MAP3K20: variants seen among roughly 807,000 people sequenced by gnomAD.
MAP3K20 encodes HCCS-4.
A neutral mutation model predicts 85.7 loss-of-function variants in MAP3K20; 40 were observed. That is an observed-to-expected ratio of 0.47 (90% confidence interval 0.36 to 0.61). MAP3K20 has a LOEUF of 0.61. MAP3K20 is among the 20% of genes least tolerant of loss of function. The pLI, the probability that MAP3K20 is intolerant of heterozygous loss-of-function variation, is 0.00. For missense variants in MAP3K20, 817 were observed against 961.7 expected, an observed-to-expected ratio of 0.85 and a Z score of 1.99; for synonymous variants, 325 against 327.7, an observed-to-expected ratio of 0.99 and a Z score of 0.09.
chr2:173,090,828 A>C (rs969290754), intron 1 of MAP3K20, 170 bp from the exon 2 acceptor site: 2 of 1,266,678 alleles, frequency 1.6e-6, no homozygotes, highest in African/African-American at 3.1e-5. Flanking sequence ...GTGGGCTGCC[A>C]GGGTGAGTGT....
chr2:173,122,973 C>A (rs531560508), intron 2 of MAP3K20, among the ~76,000 whole-genome samples: 1 of 152,302 alleles, frequency 6.6e-6, no homozygotes, highest in Non-Finnish European at 1.5e-5. Flanking sequence ...TTCAGAGATG[C>A]AGCGCTCCCC....
intron 2 of MAP3K20, among the ~76,000 whole-genome samples, chr2:173,128,041 A>AT (rs1337413133): frequency 2.6e-5 from 4 of 152,000 alleles, no homozygotes; most frequent in East Asian, 1.9e-4. Flanking sequence ...AACCATACCT[A>AT]TTTTTTTCTC....
chr2:173,231,562 TAAATA>T (rs1352418890), intron 12 of MAP3K20, among the ~76,000 whole-genome samples: 1 of 152,214 alleles, frequency 6.6e-6, no homozygotes, highest in Non-Finnish European at 1.5e-5. Flanking sequence ...CCAGGCCACT[TAAATA>T]AAATTCCAGA....
chr2:173,076,144 C>A, intron 1 of MAP3K20, 142 bp downstream of exon 1: 1 of 561,444 alleles, frequency 1.8e-6, no homozygotes, highest in Non-Finnish European at 2.3e-6. Flanking sequence ...CCTCGGGGCT[C>A]CCCTCCCCGA....
chr2:173,227,123 T>G (rs758267621), intron 11 of MAP3K20: 24 of 985,764 alleles, frequency 2.4e-5, no homozygotes, highest in Non-Finnish European at 2.8e-5. Flanking sequence ...GACTCCATTT[T>G]GCAATAAACG....
chr2:173,092,334 T>C (rs1687324802), intron 2 of MAP3K20, among the ~76,000 whole-genome samples: 1 of 152,234 alleles, frequency 6.6e-6, no homozygotes, highest in Non-Finnish European at 1.5e-5. Context: ...CACTTTCCCT[T>C]TCCCCCATTT....
intron 16 of MAP3K20, among the ~76,000 whole-genome samples, chr2:173,243,488 C>A (rs187368218): frequency 6.6e-6 from 1 of 152,312 alleles, no homozygotes; most frequent in East Asian, 1.9e-4. Context: ...GAAAGACTTA[C>A]CTTGGAACAG....
At chr2:173,248,577 C>G (rs1684974495) in intron 16 of MAP3K20, among the ~76,000 whole-genome samples, 1 of 152,186 alleles carries the variant, frequency 6.6e-6, no homozygotes, top group Admixed American at 6.5e-5. Flanking sequence ...AGAGCTAGAG[C>G]AGAACTAGGC....
intron 2 of MAP3K20, among the ~76,000 whole-genome samples, chr2:173,142,439 T>C (rs1689003745): frequency 6.7e-6 from 1 of 150,178 alleles, no homozygotes; most frequent in African/African-American, 2.5e-5. Flanking sequence ...GCCACTGCAC[T>C]CCAGCCTGGG....
rs774285984 is a variant in MAP3K20, at chr2:173,258,717, T to C, written c.1378T>C (p.Tyr460His). ...TGPQDCKWKM[Y>H]MEMDGDEIAI... is the part of the protein sequence containing the mutation. ...ATTCCAGGATTGTAAGTGGAAAATG[T>C]ATATGGAGATGGATGGGGATGAAAT... is the stretch of plus-strand genomic sequence containing the variant. Residue 460 changes from tyrosine to histidine, a missense_variant, in exon 17 of 20, where the codon TAT (tyrosine) becomes CAT (histidine). Physicochemically the swap from Tyr to His is moderately conservative, Grantham distance 83. Transcript: ENST00000375213. 14 of 1,608,610 alleles carry C rather than the reference T, an allele frequency of 8.7e-6. 1 individual carries two copies. The South Asian group carries it at 1.5e-4, about 18-fold the overall frequency.
intron 15 of MAP3K20, 28 bp from the exon 16 acceptor site, chr2:173,239,376 A>G: frequency 6.3e-7 from 1 of 1,575,398 alleles, no homozygotes; most frequent in Non-Finnish European, 8.6e-7. Context: ...AACATCTAGA[A>G]TAATTGGTGC....
At chr2:173,149,091 TATA>T (rs1559252881) in intron 2 of MAP3K20, among the ~76,000 whole-genome samples, 1 of 152,106 alleles carries the variant, frequency 6.6e-6, no homozygotes, top group African/African-American at 2.4e-5. Flanking sequence ...TAGAAATATT[TATA>T]ATGATAGTGC....
At chr2:173,191,431 GAT>G (rs1690646376) in intron 7 of MAP3K20, among the ~76,000 whole-genome samples, 1 of 152,198 alleles carries the variant, frequency 6.6e-6, no homozygotes, top group South Asian at 2.1e-4. Flanking sequence ...TGGAATCCGA[GAT>G]AGTGTTGGGC....
chr2:173,115,222 A>G (rs1006448239), intron 2 of MAP3K20, among the ~76,000 whole-genome samples: 3 of 152,060 alleles, frequency 2.0e-5, no homozygotes, highest in African/African-American at 7.2e-5. Flanking sequence ...AGAGCATTTC[A>G]AATTTCTAAA....
At chr2:173,112,082 A>G (rs898894457) in intron 2 of MAP3K20, among the ~76,000 whole-genome samples, 9 of 151,998 alleles carry the variant, frequency 5.9e-5, no homozygotes, top group Non-Finnish European at 1.2e-4. Flanking sequence ...GTCATCTATG[A>G]TTTCTTTCGG....
chr2:173,222,450 A>G, intron 11 of MAP3K20: 2 of 985,864 alleles, frequency 2.0e-6, no homozygotes, highest in Non-Finnish European at 2.4e-6. Flanking sequence ...TGGCCATGGA[A>G]GCCTCTTAAC....
intron 2 of MAP3K20, among the ~76,000 whole-genome samples, chr2:173,104,704 T>A (rs186364512): frequency 6.6e-6 from 1 of 152,222 alleles, no homozygotes; most frequent in East Asian, 1.9e-4. Flanking sequence ...CTAGAATTAT[T>A]CCAGAATAAA....
intron 17 of MAP3K20, among the ~76,000 whole-genome samples, chr2:173,259,240 A>C (rs1365903843): frequency 1.3e-5 from 2 of 152,180 alleles, no homozygotes; most frequent in Non-Finnish European, 2.9e-5. Flanking sequence ...ATTATGAGGC[A>C]CACAGTGAAG....
At position 173,109,139 on chromosome 2, in the gene MAP3K20, C is replaced by T. The variant is rs902828685; in HGVS notation, c.159+17949C>T. Among the ~76,000 whole-genome samples the T allele has an allele frequency of 3.9e-5, 6 of 152,176 alleles. No homozygotes were observed. The East Asian group carries it at 7.7e-4, about 19-fold the overall frequency. ...TTGCTATCATGAAGCTCAGCAGATA[C>T]GTGATATAAAGTAAACATTAATTCT... On this transcript the variant is annotated intron_variant, in intron 2 of 19. Coordinates refer to ENST00000375213, the MANE Select transcript of MAP3K20 (RefSeq NM_016653.3).
Sources: allele counts gnomAD v4.1 joint callset (sites outside exome capture counted in the v4.1 genomes callset), GRCh38; gene constraint gnomAD v4.1.1; transcripts MANE v1.5; gene names NCBI Gene and HGNC (gene_info 2026-07-23, HGNC 2026-07-21).